INTS3: variants seen among roughly 807,000 people sequenced by gnomAD.
INTS3 encodes SOSS complex subunit A.
In INTS3, 34 loss-of-function variants were observed where a neutral mutation model predicts 146.3. The ratio of observed to expected loss-of-function variants is 0.23; its 90% CI spans 0.18 to 0.31. INTS3 has a LOEUF of 0.31. INTS3 is among the 10% of genes least tolerant of loss of function. INTS3 has a pLI of 1.00. For synonymous variants in INTS3, 475 were observed against 494.9 expected (o/e 0.96, Z 0.53); for missense variants, 757 against 1,304.2 (o/e 0.58, Z 6.46).
At chr1:153,729,390 C>T (rs112906677) in intron 1 of INTS3, among the ~76,000 whole-genome samples, 1 of 152,144 alleles carries the variant, frequency 6.6e-6, no homozygotes, top group Admixed American at 6.6e-5. Flanking sequence ...AGCACACACA[C>T]AGGAGAGAAC....
At chr1:153,735,483 G>A (rs1001967833) in intron 1 of INTS3, among the ~76,000 whole-genome samples, 3 of 152,138 alleles carry the variant, frequency 2.0e-5, no homozygotes, top group Non-Finnish European at 4.4e-5. Context: ...TTATTAGCTA[G>A]CTGCTGTTTG....
rs1672505501 is a variant in INTS3 at position 153,764,638 on chromosome 1, G to A, written c.1926-52G>A. On this transcript the variant is annotated intron_variant, in intron 18 of 29. Transcript: ENST00000318967. ...CTAGCCTCCAGCTGGTCCTCCGTAT[G>A]TGCCAGCAGCCCCCCTCACATGGAT... 14 of 1,363,680 alleles carry A rather than the reference G, an allele frequency of 1.0e-5. No individual in the cohort carries two copies. In the South Asian group the frequency reaches 1.2e-4, roughly 11 times the overall value. 84.5% of individuals were successfully genotyped at this position (1,363,680 alleles called of 1,614,324 possible).
chr1:153,761,556 T>C lies in INTS3; in HGVS notation c.1410-14T>C. On this transcript the variant is annotated splice_polypyrimidine_tract_variant and intron_variant, in intron 13 of 29. Coordinates refer to ENST00000318967, the MANE Select transcript of INTS3 (RefSeq NM_023015.5). ...GAAGCTCTGATATTGACCTTCATCA[T>C]GTTCCCCATTTAGACACCTAGCTCC... 3 of 1,566,840 alleles carry C rather than the reference T, an allele frequency of 1.9e-6. No individual in the cohort carries two copies. The highest frequency in any genetic ancestry group is 2.6e-6 in the Non-Finnish European group (3 of 1,138,306).
chr1:153,728,072 C>A lies in INTS3; in HGVS notation c.-563C>A. On this transcript the variant is annotated 5_prime_UTR_variant, in exon 1 of 30. Transcript: ENST00000318967. ...TCCGCCTTCCCACCCCCCGCCCTTCCACTATGGCCGCTTCTGTGTGGTGTG... is the reference window on the plus strand; with the variant it reads ...TCCGCCTTCCCACCCCCCGCCCTTCAACTATGGCCGCTTCTGTGTGGTGTG... 6.0e-6 allele frequency: 1 copy of A among 167,790 alleles called. No individual in the cohort carries two copies. The highest frequency in any genetic ancestry group is 1.2e-5 in the Non-Finnish European group (1 of 82,622). The allele number at this position is 167,790 out of a possible 1,614,324, so 10.4% of individuals were successfully genotyped here. A position where few individuals can be genotyped will look rare whatever the true frequency, so the allele number is the denominator to read the frequency against.
intron 1 of INTS3, among the ~76,000 whole-genome samples, chr1:153,731,901 CTTT>C (rs34353204): frequency 4.6e-5 from 3 of 65,278 alleles, no homozygotes; most frequent in African/African-American, 7.4e-5. Flanking sequence ...CTTTTTTTAA[CTTT>C]TTTTTTTTTT....
intron 1 of INTS3, among the ~76,000 whole-genome samples, chr1:153,731,558 T>G (rs4845568): frequency 6.8e-6 from 1 of 148,060 alleles, no homozygotes; most frequent in African/African-American, 2.5e-5. Context: ...AGGCTGAAAG[T>G]GGGAGGCCCA....
chr1:153,758,975 G>A (rs1023350166), intron 10 of INTS3, among the ~76,000 whole-genome samples: 5 of 151,982 alleles, frequency 3.3e-5, no homozygotes, highest in African/African-American at 1.2e-4. Flanking sequence ...ATAAAGCCAC[G>A]CATGGTGGTG....
At chr1:153,739,832 T>C (rs1283146555) in intron 1 of INTS3, among the ~76,000 whole-genome samples, 1 of 151,964 alleles carries the variant, frequency 6.6e-6, no homozygotes, top group Non-Finnish European at 1.5e-5. Flanking sequence ...TCTCGCTCTG[T>C]CGCCCAGGCT....
rs1303624127 is a variant in INTS3, at chr1:153,773,818, A to G, written c.*548A>G. 5.8e-6 allele frequency: 1 copy of G among 172,410 alleles called. No individual in the cohort carries two copies. Among genetic ancestry groups the G allele is most frequent in the East Asian group, 1.8e-4 (1 of 5,460 alleles). 10.7% of individuals were successfully genotyped at this position (172,410 alleles called of 1,614,324 possible). On this transcript the variant is annotated 3_prime_UTR_variant, in exon 30 of 30. Transcript: ENST00000318967. ...GTGTCCATTCCTAATCATGGGGCAG[A>G]TGCCACAAGCATTCAGAAAGGAGTC... is the stretch of plus-strand genomic sequence containing the variant.
At chr1:153,770,090 TG>T in intron 23 of INTS3, 107 bp from the exon 24 acceptor site, 1 of 401,416 alleles carries the variant, frequency 2.5e-6, no homozygotes, top group East Asian at 4.3e-5. Context: ...TGTGTGTGTG[TG>T]TGTGTGTGTG....
chr1:153,729,682 A>G (rs1432951357), intron 1 of INTS3, among the ~76,000 whole-genome samples: 1 of 152,092 alleles, frequency 6.6e-6, no homozygotes, highest in South Asian at 2.1e-4. Context: ...CCTGGCCAAC[A>G]TGGTGAAACC....
Position 153,728,391 on chromosome 1 carries a change from C to T in INTS3, c.-244C>T, listed in dbSNP as rs552187232. 4.1e-6 allele frequency: 2 copies of T among 493,098 alleles called. No homozygotes were observed. Among genetic ancestry groups the T allele is most frequent in the Middle Eastern group, 5.1e-4 (1 of 1,968 alleles). 30.5% of individuals were successfully genotyped at this position (493,098 alleles called of 1,614,324 possible). A position where few individuals can be genotyped will look rare whatever the true frequency, so the allele number is the denominator to read the frequency against. Reference sequence around the variant, plus strand: ...CACAGGCCTTTACCCCACTGTACTTCGGAGCCAACGCCTTTCCCTCAGCAC... The same window carrying T: ...CACAGGCCTTTACCCCACTGTACTTTGGAGCCAACGCCTTTCCCTCAGCAC... On this transcript the variant is annotated 5_prime_UTR_variant, in exon 1 of 30. Coordinates refer to ENST00000318967, the MANE Select transcript of INTS3 (RefSeq NM_023015.5).
At chr1:153,732,572 A>C (rs1184607529) in intron 1 of INTS3, among the ~76,000 whole-genome samples, 1 of 151,848 alleles carries the variant, frequency 6.6e-6, no homozygotes, top group Non-Finnish European at 1.5e-5. Context: ...CAGCCTCCCA[A>C]GTAGCTGGGA....
chr1:153,742,890 T>C (rs1016543099), intron 3 of INTS3, among the ~76,000 whole-genome samples: 5 of 152,250 alleles, frequency 3.3e-5, no homozygotes, highest in Admixed American at 1.3e-4. Context: ...GGTTGACACC[T>C]TTGCTAGCAT....
intron 3 of INTS3, among the ~76,000 whole-genome samples, chr1:153,745,792 A>G (rs1307078107): frequency 2.0e-5 from 3 of 152,234 alleles, no homozygotes; most frequent in Non-Finnish European, 4.4e-5. Flanking sequence ...AGGAAAGGGC[A>G]TCACAGAGAA....
intron 8 of INTS3, 92 bp downstream of exon 8, chr1:153,752,500 G>GA: frequency 7.4e-7 from 1 of 1,353,556 alleles, no homozygotes; most frequent in Admixed American, 2.3e-5. Flanking sequence ...TGGTGGGTAG[G>GA]AGAGTCTTTG....
At chr1:153,762,501 G>A (rs1672420247) in intron 14 of INTS3, among the ~76,000 whole-genome samples, 1 of 152,196 alleles carries the variant, frequency 6.6e-6, no homozygotes, top group Non-Finnish European at 1.5e-5. Flanking sequence ...GCATAGAGGA[G>A]TCATGTCCAG....
chr1:153,773,031 G>A lies in INTS3; in HGVS notation c.3001G>A (p.Ala1001Thr), dbSNP rs1558013182. 2 of 1,614,188 alleles carry A rather than the reference G, an allele frequency of 1.2e-6. No individual in the cohort carries two copies. The highest frequency in any genetic ancestry group is 1.1e-5 in the South Asian group (1 of 91,090). The change falls in exon 29 of 30, where the codon GCC (alanine) becomes ACC (threonine). Residue 1001 changes from alanine (A) to threonine (T), a missense_variant. Physicochemically the swap from Ala to Thr is moderately conservative, Grantham distance 58. This residue lies in a region of INTS3 where 125 missense variants were observed against 165.6 expected (regional missense o/e 0.75). Transcript: ENST00000318967. Reference protein sequence around the residue: ...ALSSPRSRKNATQPPNAEEES... With the variant: ...ALSSPRSRKNTTQPPNAEEES... ...GTCCAGCCCTCGAAGTCGAAAGAAT[G>A]CCACACAGCCCCCCAATGCCGAAGA...
intron 1 of INTS3, 72 bp downstream of exon 1, chr1:153,728,856 GAGGA>G: frequency 2.3e-6 from 1 of 434,716 alleles, no homozygotes; most frequent in Non-Finnish European, 4.0e-6. Flanking sequence ...TACCGGGTGG[GAGGA>G]CGGGGGGTGG....
Sources: gnomAD v4.1 joint callset for allele counts (sites outside exome capture counted in the v4.1 genomes callset) on GRCh38, gnomAD v4.1.1 for gene constraint, gnomAD v4.1.1 regional missense constraint, MANE v1.5 for transcripts, NCBI Gene and HGNC (gene_info 2026-07-23, HGNC 2026-07-21) for gene names.